The following LCLAT1 variants were observed in gnomAD, a reference collection of about 807,000 sequenced individuals.
The protein encoded by LCLAT1 is lysocardiolipin acyltransferase 1.
LCLAT1 carries 11 observed loss-of-function variants against 30.7 expected under a neutral mutation model. The ratio of observed to expected loss-of-function variants is 0.36; its 90% CI spans 0.23 to 0.59. The LOEUF is 0.59. Among genes scored for constraint, LCLAT1 ranks in the 20% least tolerant of loss-of-function variants. The probability of loss-of-function intolerance (pLI) is 0.77; values close to 1 mark genes in which losing one functional copy is unlikely to be tolerated. For synonymous variants in LCLAT1, 155 were observed against 151.3 expected (o/e 1.02, Z -0.18); for missense variants, 402 against 458.6 (o/e 0.88, Z 1.13).
At chr2:30,531,821 A>T (rs72856696) in intron 2 of LCLAT1, among the ~76,000 whole-genome samples, 3,790 of 152,182 alleles carry the variant, frequency 0.025, 145 homozygotes, top group African/African-American at 0.084. Context: ...TTGCATTTTT[A>T]AAAAAATGCC....
intron 5 of LCLAT1, among the ~76,000 whole-genome samples, chr2:30,636,249 A>C (rs1448342221): frequency 6.6e-6 from 1 of 152,214 alleles, no homozygotes; most frequent in African/African-American, 2.4e-5. Context: ...GGAAAGTTAA[A>C]TTAAGAGGCC....
chr2:30,457,110 C>G lies in LCLAT1; in HGVS notation c.-5+9727C>G, dbSNP rs79477106. 8.1e-3 allele frequency among the ~76,000 whole-genome samples: 1,238 copies of G among 152,192 alleles called. 22 individuals carry two copies. Among genetic ancestry groups the G allele is most frequent in the East Asian group, 0.051 (263 of 5,182 alleles). ...GTTTTAGATTTCTTAAGAGGTTTGA[C>G]AGTATAGTGAATTACTTTATTTCTG... On this transcript the variant is annotated intron_variant, in intron 1 of 5. Transcript: ENST00000379509.
chr2:30,612,467 G>A (rs1395164918), intron 5 of LCLAT1, among the ~76,000 whole-genome samples: 1 of 152,090 alleles, frequency 6.6e-6, no homozygotes, highest in African/African-American at 2.4e-5. Context: ...TAGTGCTGTT[G>A]ACCTACTGTT....
intron 5 of LCLAT1, among the ~76,000 whole-genome samples, chr2:30,592,104 A>G (rs1666722985): frequency 6.6e-6 from 1 of 152,176 alleles, no homozygotes; most frequent in Non-Finnish European, 1.5e-5. Context: ...GAATGAATGG[A>G]TACTGTCAAC....
chr2:30,471,023 C>T (rs1423312462), intron 1 of LCLAT1, among the ~76,000 whole-genome samples: 1 of 144,518 alleles, frequency 6.9e-6, no homozygotes, highest in Non-Finnish European at 1.5e-5. Context: ...AAGCAATTCT[C>T]TGCCTCAGCC....
chr2:30,542,890 T>G (rs1417374036), intron 3 of LCLAT1, among the ~76,000 whole-genome samples: 2 of 152,052 alleles, frequency 1.3e-5, no homozygotes, highest in East Asian at 1.9e-4. Context: ...TAGGGTTTCT[T>G]TATACATAAT....
chr2:30,625,006 G>C (rs1158018787), intron 5 of LCLAT1, among the ~76,000 whole-genome samples: 1 of 152,108 alleles, frequency 6.6e-6, no homozygotes, highest in Admixed American at 6.6e-5. Flanking sequence ...ACCTGCTCCG[G>C]AATGATTATC....
chr2:30,551,314 G>A (rs903236554), intron 3 of LCLAT1, among the ~76,000 whole-genome samples: 4 of 152,146 alleles, frequency 2.6e-5, no homozygotes, highest in African/African-American at 9.7e-5. Flanking sequence ...GCCTGGGAGT[G>A]CCTGAAGGTT....
intron 1 of LCLAT1, among the ~76,000 whole-genome samples, chr2:30,523,617 C>A (rs780931148): frequency 2.0e-5 from 3 of 152,194 alleles, no homozygotes; most frequent in Non-Finnish European, 4.4e-5. Flanking sequence ...CGCCTGTAAT[C>A]CCAGCATTTT....
intron 2 of LCLAT1, among the ~76,000 whole-genome samples, chr2:30,526,260 A>G (rs1357366430): frequency 6.6e-6 from 1 of 151,868 alleles, no homozygotes; most frequent in Non-Finnish European, 1.5e-5. Flanking sequence ...TGTATGTTAG[A>G]TTGATTGTCT....
At chr2:30,510,359 C>T (rs945145121) in intron 1 of LCLAT1, among the ~76,000 whole-genome samples, 10 of 152,134 alleles carry the variant, frequency 6.6e-5, no homozygotes, top group African/African-American at 2.2e-4. Flanking sequence ...GCTACAGGGA[C>T]GGGTTGGAAA....
At chr2:30,542,613 T>C (rs1053859492) in intron 3 of LCLAT1, among the ~76,000 whole-genome samples, 1 of 152,132 alleles carries the variant, frequency 6.6e-6, no homozygotes, top group Non-Finnish European at 1.5e-5. Context: ...TTAAAATAAG[T>C]TTGGTAATTT....
intron 1 of LCLAT1, among the ~76,000 whole-genome samples, chr2:30,510,593 G>C (rs555169984): frequency 6.6e-6 from 1 of 152,160 alleles, no homozygotes; most frequent in South Asian, 2.1e-4. Flanking sequence ...CTATTAGTAG[G>C]CTCTGTTAAT....
intron 5 of LCLAT1, among the ~76,000 whole-genome samples, chr2:30,587,956 C>G (rs1266170496): frequency 6.6e-6 from 1 of 152,208 alleles, no homozygotes; most frequent in African/African-American, 2.4e-5. Flanking sequence ...CCAAAAAGTC[C>G]TATCTGGAAG....
chr2:30,559,172 T>A (rs1045406837), intron 3 of LCLAT1, among the ~76,000 whole-genome samples: 23 of 152,214 alleles, frequency 1.5e-4, no homozygotes, highest in African/African-American at 4.8e-4. Context: ...GTATTGGTTT[T>A]CTTTTGGGAG....
chr2:30,557,615 A>G (rs954973695), intron 3 of LCLAT1, among the ~76,000 whole-genome samples: 2 of 151,958 alleles, frequency 1.3e-5, no homozygotes, highest in Non-Finnish European at 2.9e-5. Flanking sequence ...GGGTTTCATC[A>G]TGTTGGCCAG....
chr2:30,481,069 G>A (rs1683295615), intron 1 of LCLAT1, among the ~76,000 whole-genome samples: 1 of 152,152 alleles, frequency 6.6e-6, no homozygotes, highest in Non-Finnish European at 1.5e-5. Context: ...AAGAAACAGA[G>A]GTAGTGAAAC....
intron 3 of LCLAT1, among the ~76,000 whole-genome samples, chr2:30,540,246 T>C (rs1664066476): frequency 6.6e-6 from 1 of 152,250 alleles, no homozygotes; most frequent in Non-Finnish European, 1.5e-5. Context: ...CTGTTCTTCA[T>C]ATTTTTAGAA....
chr2:30,522,580 T>C (rs1685529312), intron 1 of LCLAT1, among the ~76,000 whole-genome samples: 1 of 152,224 alleles, frequency 6.6e-6, no homozygotes, highest in Non-Finnish European at 1.5e-5. Context: ...TTCACTGTTG[T>C]AATCCCCAGA....
Sources: gnomAD v4.1 joint callset for allele counts (sites outside exome capture counted in the v4.1 genomes callset) on GRCh38, gnomAD v4.1.1 for gene constraint, MANE v1.5 for transcripts, NCBI Gene and HGNC (gene_info 2026-07-23, HGNC 2026-07-21) for gene names.